TMEM61: variants seen among roughly 807,000 people sequenced by gnomAD.
The protein encoded by TMEM61 is transmembrane protein 61.
A neutral mutation model predicts 12.0 loss-of-function variants in TMEM61; 13 were observed. That is an observed-to-expected ratio of 1.08 (90% CI 0.70 to 1.72). The LOEUF (loss-of-function observed/expected upper bound fraction) is 1.72. TMEM61 is among the 40% of genes most tolerant of loss of function. TMEM61 has a pLI of 0.00. For missense variants in TMEM61, 249 were observed against 276.9 expected, an observed-to-expected ratio of 0.90 and a Z score of 0.71; for synonymous variants, 109 against 121.4, an observed-to-expected ratio of 0.90 and a Z score of 0.67.
At chr1:54,984,241 G>A (rs184432623) in intron 1 of TMEM61, among the ~76,000 whole-genome samples, 11 of 152,334 alleles carry the variant, frequency 7.2e-5, no homozygotes, top group Admixed American at 2.0e-4. Flanking sequence ...AGCCCCACTT[G>A]GAAGGGATTT....
chr1:54,991,889 T>G lies in TMEM61; in HGVS notation c.419T>G (p.Val140Gly), dbSNP rs1644301552. ...TACGAGGAAGCCGTGAGCTTCCCAG[T>G]GGCCGAGGGGCCCCCAACACCACCT... ...PTYEEAVSFP[V>G]AEGPPTPPAY... Residue 140 changes from valine to glycine, a missense_variant, in exon 3 of 3, where the codon GTG becomes GGG. Transcript: ENST00000371268. 6.2e-7 allele frequency: 1 copy of G among 1,614,010 alleles called. No homozygotes were observed. The highest frequency in any genetic ancestry group is 8.5e-7 in the Non-Finnish European group (1 of 1,180,032).
In TMEM61 at chr1:54,981,062, C is replaced by T. The variant is rs1644216883; in HGVS notation, c.-4C>T. The T allele has an allele frequency of 4.4e-6, 7 of 1,583,892 alleles. No individual in the cohort carries two copies. Among genetic ancestry groups the T allele is most frequent in the Non-Finnish European group, 6.0e-6 (7 of 1,164,340 alleles). ...CCTGGACAGCGCCTGCTGCCCGCCTCCCGATGGCCCTGCCCCAGGTGGGTG... is the reference window on the plus strand; with the variant it reads ...CCTGGACAGCGCCTGCTGCCCGCCTTCCGATGGCCCTGCCCCAGGTGGGTG... On this transcript the variant is annotated 5_prime_UTR_variant, in exon 1 of 3. Transcript: ENST00000371268.
intron 1 of TMEM61, 98 bp from the exon 2 acceptor site, chr1:54,985,999 C>A: frequency 1.8e-6 from 2 of 1,107,146 alleles, no homozygotes; most frequent in Non-Finnish European, 1.3e-6. Context: ...GTGACTTCTC[C>A]AAGGTTGTAC....
intron 1 of TMEM61, among the ~76,000 whole-genome samples, chr1:54,983,310 C>G (rs141415496): frequency 1.3e-5 from 2 of 151,574 alleles, no homozygotes; most frequent in African/African-American, 4.8e-5. Flanking sequence ...CTAGTAGAGA[C>G]GGGGGTTTCA....
Position 54,986,081 on chromosome 1 carries a change from CCTT to C in TMEM61, c.16-13_16-11del, listed in dbSNP as rs764092454. The stretch of plus-strand genomic sequence containing the variant: ...ATATGGCCCATTTCCTCTTCTCCCT[CCTT>C]CTCTGTGTCCAGATGTGTGACGGGA... On this transcript the variant is annotated splice_polypyrimidine_tract_variant and intron_variant, in intron 1 of 2. Transcript: ENST00000371268. 5.8e-6 allele frequency: 9 copies of C among 1,562,196 alleles called. No individual in the cohort carries two copies. In the Admixed American group the frequency reaches 8.9e-5, roughly 15 times the overall value.
At chr1:54,984,230 A>G (rs1027374812) in intron 1 of TMEM61, among the ~76,000 whole-genome samples, 8 of 152,218 alleles carry the variant, frequency 5.3e-5, no homozygotes, top group Admixed American at 6.5e-5. Flanking sequence ...TTGGCTGGGC[A>G]AGCCCCACTT....
chr1:54,986,223 G>C lies in TMEM61; in HGVS notation c.142G>C (p.Gly48Arg). The change falls in exon 2 of 3, where the codon GGC becomes CGC. Residue 48 changes from glycine to arginine, a missense_variant. Gly to Arg is a moderately radical substitution (Grantham distance 125, BLOSUM62 -2). Transcript: ENST00000371268. Reference sequence around the variant, plus strand: ...CGAAGGGGATGCAACCGCCCAGCCTGGCCAGCTGGCCCCACCCACGGAGTA... The same window carrying C: ...CGAAGGGGATGCAACCGCCCAGCCTCGCCAGCTGGCCCCACCCACGGAGTA... ...WSEGDATAQP[G>R]QLAPPTEYPV... The C allele has an allele frequency of 6.2e-7, 1 of 1,613,836 alleles. No homozygotes were observed.
At position 54,986,143 on chromosome 1, in the gene TMEM61, C is replaced by T; in HGVS notation, c.62C>T (p.Thr21Ile). The T allele has an allele frequency of 2.5e-6, 4 of 1,608,562 alleles. No homozygotes were observed. Among genetic ancestry groups the T allele is most frequent in the Non-Finnish European group, 3.4e-6 (4 of 1,175,982 alleles). ...HLASTLRYCM[T>I]VSGTVVLVAG... Reference sequence around the variant, plus strand: ...GCCTCCACCCTCCGCTATTGCATGACAGTCAGCGGCACAGTGGTTCTGGTG... The same window carrying T: ...GCCTCCACCCTCCGCTATTGCATGATAGTCAGCGGCACAGTGGTTCTGGTG... The change falls in exon 2 of 3, where the codon ACA (threonine) becomes ATA (isoleucine). Residue 21 changes from threonine to isoleucine, a missense_variant. Physicochemically the swap from Thr to Ile is moderately conservative, Grantham distance 89. Transcript: ENST00000371268.
rs569903399 is a variant in TMEM61 at position 54,992,161 on chromosome 1, T to C, written c.*58T>C. The C allele has an allele frequency of 3.8e-6, 6 of 1,569,350 alleles. No homozygotes were observed. The South Asian group carries it at 5.8e-5, about 15-fold the overall frequency. On this transcript the variant is annotated 3_prime_UTR_variant, in exon 3 of 3. Coordinates refer to ENST00000371268, the MANE Select transcript of TMEM61 (RefSeq NM_182532.3). ...AAATGCCGTGCCTTCTCCAGAGTCT[T>C]ATGCAGTGCCTGGGACACAGTAGGC... is the stretch of plus-strand genomic sequence containing the variant.
At chr1:54,991,803 C>T (rs1644300140) in intron 2 of TMEM61, 33 bp from the exon 3 acceptor site, 1 of 1,604,802 alleles carries the variant, frequency 6.2e-7, no homozygotes, top group Non-Finnish European at 8.5e-7. Flanking sequence ...TCTGCCCCAG[C>T]CCCTGCTAAC....
intron 1 of TMEM61, among the ~76,000 whole-genome samples, chr1:54,983,860 C>G (rs1570257380): frequency 6.6e-6 from 1 of 151,994 alleles, no homozygotes; most frequent in South Asian, 2.1e-4. Flanking sequence ...ATTTTTTGCT[C>G]CCTACATGAA....
At chr1:54,989,556 C>A (rs368929563) in intron 2 of TMEM61, among the ~76,000 whole-genome samples, 1 of 152,200 alleles carries the variant, frequency 6.6e-6, no homozygotes, top group South Asian at 2.1e-4. Flanking sequence ...ACACAGCTGC[C>A]GAGGCGCCAT....
At position 54,986,252 on chromosome 1, in the gene TMEM61, G is replaced by A. The variant is rs371535334; in HGVS notation, c.171G>A (p.Pro57=). 14 of 1,613,782 alleles carry A rather than the reference G, an allele frequency of 8.7e-6. No homozygotes were observed. The South Asian group carries it at 9.9e-5, about 11-fold the overall frequency. The change falls in exon 2 of 3, where the codon CCG becomes CCA. Residue 57 remains proline, a synonymous_variant. Coordinates refer to ENST00000371268, the MANE Select transcript of TMEM61 (RefSeq NM_182532.3). ...PGQLAPPTEY[P]VPEGPSPLLR... ...AGCTGGCCCCACCCACGGAGTATCC[G>A]GTGCCTGAGGGCCCCAGCCCCCTGC...
intron 1 of TMEM61, among the ~76,000 whole-genome samples, chr1:54,982,156 C>T (rs1203451835): frequency 6.6e-6 from 1 of 152,112 alleles, no homozygotes; most frequent in Non-Finnish European, 1.5e-5. Context: ...TGGGTGGTCA[C>T]AGAGCTAACA....
At chr1:54,990,498 C>CG (rs907579614) in intron 2 of TMEM61, among the ~76,000 whole-genome samples, 87 of 152,326 alleles carry the variant, frequency 5.7e-4, no homozygotes, top group Non-Finnish European at 9.4e-4. Flanking sequence ...ATGGGCCCCT[C>CG]CGTCAGCTAA....
chr1:54,982,491 C>G (rs1382526221), intron 1 of TMEM61, among the ~76,000 whole-genome samples: 1 of 152,194 alleles, frequency 6.6e-6, no homozygotes, highest in Non-Finnish European at 1.5e-5. Context: ...CCCAACCGTC[C>G]CCCAGGATGG....
At chr1:54,986,772 A>C (rs1644264237) in intron 2 of TMEM61, among the ~76,000 whole-genome samples, 1 of 152,126 alleles carries the variant, frequency 6.6e-6, no homozygotes, top group African/African-American at 2.4e-5. Context: ...AGAATAGCAG[A>C]GGGTTAAAAG....
chr1:54,983,131 T>TTTTTTTTA (rs1644235283), intron 1 of TMEM61, among the ~76,000 whole-genome samples: 4 of 146,900 alleles, frequency 2.7e-5, no homozygotes, highest in Admixed American at 6.9e-5. Flanking sequence ...TGTTTTTTTT[T>TTTTTTTTA]GAGAAAGAGT....
At position 54,991,900 on chromosome 1, in the gene TMEM61, C is replaced by T; in HGVS notation, c.430C>T (p.Pro144Ser). 1 of 1,614,160 alleles carries T rather than the reference C, an allele frequency of 6.2e-7. No homozygotes were observed. Among genetic ancestry groups the T allele is most frequent in the Non-Finnish European group, 8.5e-7 (1 of 1,180,016 alleles). The change falls in exon 3 of 3, where the codon CCC becomes TCC. Residue 144 changes from proline (P) to serine (S), a missense_variant. By Grantham distance (74) the Pro-to-Ser change is moderately conservative. Coordinates refer to ENST00000371268, the MANE Select transcript of TMEM61 (RefSeq NM_182532.3). ...EAVSFPVAEG[P>S]PTPPAYPTEE... ...CGTGAGCTTCCCAGTGGCCGAGGGG[C>T]CCCCAACACCACCTGCATACCCTAC... is the stretch of plus-strand genomic sequence containing the variant.
Sources: gnomAD v4.1 joint callset for allele counts (sites outside exome capture counted in the v4.1 genomes callset) on GRCh38, gnomAD v4.1.1 for gene constraint, MANE v1.5 for transcripts, NCBI Gene and HGNC (gene_info 2026-07-23, HGNC 2026-07-21) for gene names.